The following DTL variants were observed in gnomAD, a reference collection of about 807,000 sequenced individuals.
DTL encodes the protein denticleless E3 ubiquitin protein ligase adapter.
DTL carries 46 observed loss-of-function variants against 87.0 expected under a neutral mutation model. The observed-to-expected ratio is 0.53, with a 90% confidence interval of 0.42 to 0.68. The LOEUF is 0.68. Ranked by LOEUF, DTL falls within the 30% of genes least tolerant of loss-of-function variation. DTL has a pLI of 0.00. For missense variants in DTL, 737 were observed against 869.4 expected (o/e 0.85, Z 1.91); for synonymous variants, 308 against 311.2 (o/e 0.99, Z 0.11).
intron 11 of DTL, 105 bp downstream of exon 11, chr1:212,072,318 T>C: frequency 4.8e-6 from 4 of 825,536 alleles, no homozygotes; most frequent in Non-Finnish European, 8.0e-6. Context: ...GCTATACTAT[T>C]CCTGCATCAG....
chr1:212,085,120 G>A (rs1231990713), intron 13 of DTL, among the ~76,000 whole-genome samples: 1 of 152,086 alleles, frequency 6.6e-6, no homozygotes, highest in African/African-American at 2.4e-5. Context: ...CTTTTTTCGT[G>A]TTTTTGTTTT....
chr1:212,046,572 G>A (rs890277405), intron 3 of DTL, among the ~76,000 whole-genome samples: 5 of 152,146 alleles, frequency 3.3e-5, no homozygotes, highest in Non-Finnish European at 5.9e-5. Flanking sequence ...TTAGTTTGCT[G>A]AGGATAATGA....
intron 7 of DTL, among the ~76,000 whole-genome samples, chr1:212,065,541 TACAC>T (rs1166819231): frequency 1.3e-5 from 2 of 152,004 alleles, no homozygotes; most frequent in Admixed American, 1.3e-4. Context: ...AAAATCTCTC[TACAC>T]ACACAGACAC....
chr1:212,055,415 C>A (rs1668139907), intron 5 of DTL, among the ~76,000 whole-genome samples: 1 of 152,170 alleles, frequency 6.6e-6, no homozygotes, highest in Admixed American at 6.5e-5. Context: ...ACCCTCAAGT[C>A]CTAAGCAGCT....
chr1:212,047,491 C>T, intron 5 of DTL, 74 bp downstream of exon 5: 2 of 1,568,058 alleles, frequency 1.3e-6, no homozygotes, highest in South Asian at 2.3e-5. Context: ...GTAATTGTTT[C>T]TACCCTTTCC....
chr1:212,065,167 A>C (rs994836846), intron 7 of DTL, 138 bp downstream of exon 7: 2 of 584,842 alleles, frequency 3.4e-6, no homozygotes, highest in Non-Finnish European at 5.8e-6. Context: ...CAGTACCTAC[A>C]TTTGTGGTTC....
chr1:212,086,871 G>A (rs1655145767), intron 13 of DTL, among the ~76,000 whole-genome samples: 1 of 152,150 alleles, frequency 6.6e-6, no homozygotes, highest in Non-Finnish European at 1.5e-5. Flanking sequence ...GATTCCCAAA[G>A]GTGGAATTCT....
In DTL at chr1:212,065,015, C is replaced by G. The variant is rs1571957952; in HGVS notation, c.625C>G (p.Leu209Val). 6.2e-7 allele frequency: 1 copy of G among 1,612,542 alleles called. No individual in the cohort carries two copies. The highest frequency in any genetic ancestry group is 8.5e-7 in the Non-Finnish European group (1 of 1,178,586). The change falls in exon 7 of 15, where the codon CTT becomes GTT. Residue 209 changes from leucine (L) to valine (V), a missense_variant. Coordinates refer to ENST00000366991, the MANE Select transcript of DTL (RefSeq NM_016448.4). ...KPKKKQNSKG[L>V]APSVDFQQSV... ...CAAGAAGAAACAGAATTCAAAAGGA[C>G]TTGCTCCTTCTGTGGTAAGGTTTTA...
rs199543097 is a variant in DTL at position 212,051,090 on chromosome 1, C to CT, written c.460+3680dup. Among the ~76,000 whole-genome samples, 803 of 152,082 alleles carry CT rather than the reference C, an allele frequency of 5.3e-3. 4 individuals are homozygous for CT. Among genetic ancestry groups the CT allele is most frequent in the African/African-American group, 0.018 (760 of 41,484 alleles). On this transcript the variant is annotated intron_variant, in intron 5 of 14. Transcript: ENST00000366991. Reference sequence around the variant, plus strand: ...CAAGGCCCAGGATTTGGTGTTTAGCCTTTTTTTGCTTTCAACCTATACCTT... The same window carrying CT: ...CAAGGCCCAGGATTTGGTGTTTAGCCTTTTTTTTGCTTTCAACCTATACCTT...
chr1:212,044,072 T>C (rs1375645510), intron 2 of DTL, among the ~76,000 whole-genome samples: 4 of 152,056 alleles, frequency 2.6e-5, no homozygotes, highest in Non-Finnish European at 5.9e-5. Context: ...CTAGGTGACA[T>C]AGCGAGACTG....
At chr1:212,075,336 C>T (rs2102561139) in intron 11 of DTL, among the ~76,000 whole-genome samples, 1 of 152,150 alleles carries the variant, frequency 6.6e-6, no homozygotes, top group Non-Finnish European at 1.5e-5. Context: ...CTTTATTTTA[C>T]AAAAAGTAGA....
chr1:212,059,017 C>G (rs1163194954), intron 5 of DTL, among the ~76,000 whole-genome samples: 2 of 151,970 alleles, frequency 1.3e-5, no homozygotes, highest in Admixed American at 6.5e-5. Context: ...TCAATAGTAA[C>G]AAGATCAAAG....
intron 10 of DTL, among the ~76,000 whole-genome samples, chr1:212,070,856 G>A (rs1654649886): frequency 6.6e-6 from 1 of 152,132 alleles, no homozygotes; most frequent in Non-Finnish European, 1.5e-5. Context: ...TTTTAGCAAG[G>A]TTTAAACATT....
At chr1:212,088,241 T>C (rs1348267104) in intron 13 of DTL, among the ~76,000 whole-genome samples, 1 of 152,236 alleles carries the variant, frequency 6.6e-6, no homozygotes, top group African/African-American at 2.4e-5. Flanking sequence ...CTACCTATTC[T>C]GCCTCAGTTG....
Position 212,072,103 on chromosome 1 carries a change from G to A in DTL, c.925G>A (p.Ala309Thr). ...ATTTGGTTTTTTTCCTCTGGCAGTG[G>A]CTATTTTCAATGGACACCAGAACTC... ...NMTGLKTSPV[A>T]IFNGHQNSTF... The change falls in exon 11 of 15, where the codon GCT (alanine) becomes ACT (threonine). Residue 309 changes from alanine to threonine, a missense_variant and splice_region_variant. By Grantham distance (58) the Ala-to-Thr change is moderately conservative. Transcript: ENST00000366991. The A allele has an allele frequency of 6.2e-7, 1 of 1,613,218 alleles. No homozygotes were observed.
intron 11 of DTL, among the ~76,000 whole-genome samples, chr1:212,075,898 C>T (rs949607772): frequency 1.3e-5 from 2 of 152,172 alleles, no homozygotes; most frequent in African/African-American, 4.8e-5. Context: ...CTCCCCAACA[C>T]CTGCTAAACT....
intron 3 of DTL, 59 bp downstream of exon 3, chr1:212,044,817 T>C: frequency 1.0e-6 from 1 of 972,204 alleles, no homozygotes; most frequent in Non-Finnish European, 1.6e-6. Flanking sequence ...CATCCTCAAG[T>C]ATATTATTAT....
intron 11 of DTL, among the ~76,000 whole-genome samples, chr1:212,073,090 A>G (rs536313217): frequency 6.6e-6 from 1 of 152,302 alleles, no homozygotes; most frequent in South Asian, 2.1e-4. Context: ...AACTTTTTTA[A>G]TAACAGTAGT....
intron 5 of DTL, chr1:212,052,020 T>C (rs1332484548): frequency 8.9e-6 from 8 of 894,126 alleles, no homozygotes; most frequent in Admixed American, 1.7e-5. Flanking sequence ...GGCGAATTAC[T>C]GGAAGATGGC....
Sources: gnomAD v4.1 joint callset for allele counts (sites outside exome capture counted in the v4.1 genomes callset) on GRCh38, gnomAD v4.1.1 for gene constraint, MANE v1.5 for transcripts, NCBI Gene and HGNC (gene_info 2026-07-23, HGNC 2026-07-21) for gene names.